Variants in CPA6 observed in about 807,000 individuals in gnomAD.
CPA6 encodes the protein carboxypeptidase A6, also known as carboxypeptidase B.
CPA6 carries 58 observed loss-of-function variants against 63.3 expected under a neutral mutation model. The observed-to-expected ratio is 0.92, with a 90% CI of 0.74 to 1.14. The LOEUF (loss-of-function observed/expected upper bound fraction) is 1.14, where lower values mean the gene tolerates loss of function less well. Ranked by LOEUF, CPA6 falls within the 50% of genes most tolerant of loss-of-function variation. The pLI is 0.00. For missense variants in CPA6, 565 were observed against 526.6 expected (o/e 1.07, Z -0.71); for synonymous variants, 185 against 179.0 (o/e 1.03, Z -0.27).
chr8:67,730,864 A>G (rs1239432561), intron 1 of CPA6, among the ~76,000 whole-genome samples: 1 of 152,242 alleles, frequency 6.6e-6, no homozygotes, highest in African/African-American at 2.4e-5. Context: ...ACTTAAAAAT[A>G]CAATGTGTTT....
intron 8 of CPA6, among the ~76,000 whole-genome samples, chr8:67,475,436 A>G (rs552821964): frequency 5.9e-5 from 9 of 152,382 alleles, no homozygotes; most frequent in Admixed American, 1.3e-4. Context: ...AAAATGATCA[A>G]GAAAACAATG....
At chr8:67,515,506 C>T (rs1453638253) in intron 3 of CPA6, among the ~76,000 whole-genome samples, 1 of 152,196 alleles carries the variant, frequency 6.6e-6, no homozygotes, top group Non-Finnish European at 1.5e-5. Context: ...CACCTGCCTA[C>T]CGTGGGGCAT....
chr8:67,737,709 A>G (rs1237543278), intron 1 of CPA6, among the ~76,000 whole-genome samples: 1 of 152,242 alleles, frequency 6.6e-6, no homozygotes, highest in Non-Finnish European at 1.5e-5. Flanking sequence ...ATTTATAGAC[A>G]TGAAATGAAA....
chr8:67,508,027 G>A (rs181741217), intron 5 of CPA6, among the ~76,000 whole-genome samples: 1 of 61,352 alleles, frequency 1.6e-5, no homozygotes, highest in Non-Finnish European at 3.5e-5. Context: ...GTGTGTGTGT[G>A]TGTGTGTGTG....
At chr8:67,564,736 G>A (rs1391592790) in intron 2 of CPA6, among the ~76,000 whole-genome samples, 1 of 152,186 alleles carries the variant, frequency 6.6e-6, no homozygotes, top group Non-Finnish European at 1.5e-5. Flanking sequence ...CATACATTAA[G>A]TATGATGTCA....
chr8:67,708,106 C>T (rs1278839029), intron 1 of CPA6, among the ~76,000 whole-genome samples: 1 of 152,126 alleles, frequency 6.6e-6, no homozygotes, highest in African/African-American at 2.4e-5. Flanking sequence ...TTACCCAACT[C>T]ATACAGGTTT....
intron 1 of CPA6, among the ~76,000 whole-genome samples, chr8:67,704,500 G>A (rs76319825): frequency 0.025 from 3,796 of 152,348 alleles, 66 homozygotes; most frequent in Middle Eastern, 0.054. Context: ...GGCTGCAGGT[G>A]CAAGAGAATA....
At chr8:67,650,349 C>T (rs945620918) in intron 1 of CPA6, among the ~76,000 whole-genome samples, 15 of 152,170 alleles carry the variant, frequency 9.9e-5, no homozygotes, top group African/African-American at 3.4e-4. Context: ...CAGCGGGGTT[C>T]GATCAGGACT....
At chr8:67,588,353 G>T (rs1334825638) in intron 2 of CPA6, among the ~76,000 whole-genome samples, 1 of 152,176 alleles carries the variant, frequency 6.6e-6, no homozygotes, top group Admixed American at 6.5e-5. Flanking sequence ...TACTACTGCG[G>T]GTAGGCCTAG....
chr8:67,727,395 C>T (rs1288722823), intron 1 of CPA6, among the ~76,000 whole-genome samples: 1 of 152,184 alleles, frequency 6.6e-6, no homozygotes, highest in Non-Finnish European at 1.5e-5. Flanking sequence ...GATGCTGCCT[C>T]AGAATCAAGA....
Position 67,434,128 on chromosome 8 carries a change from A to G in CPA6, c.951T>C (p.Ile317=). ...ANFLRKHRKH[I]RAYLSFHAYA... is the part of the protein sequence containing the mutation. ...ATGCATGAAAGGAGAGATAAGCCCT[A>G]ATGTGCTTTCTGTGTTTTCGAAGGA... The change falls in exon 9 of 11, where the codon ATT becomes ATC. Residue 317 remains isoleucine (I), a synonymous_variant. Coordinates refer to ENST00000297770, the MANE Select transcript of CPA6 (RefSeq NM_020361.5). The G allele has an allele frequency of 6.2e-7, 1 of 1,613,970 alleles. No individual in the cohort carries two copies. The highest frequency in any genetic ancestry group is 8.5e-7 in the Non-Finnish European group (1 of 1,179,906).
At chr8:67,529,900 G>A (rs1387689840) in intron 2 of CPA6, among the ~76,000 whole-genome samples, 1 of 151,968 alleles carries the variant, frequency 6.6e-6, no homozygotes, top group Non-Finnish European at 1.5e-5. Flanking sequence ...ACTATGAATG[G>A]GCAGTCAAGA....
chr8:67,463,381 T>C (rs1810855649), intron 8 of CPA6, among the ~76,000 whole-genome samples: 1 of 151,930 alleles, frequency 6.6e-6, no homozygotes, highest in Non-Finnish European at 1.5e-5. Flanking sequence ...AAGGCAGAGG[T>C]TGCAGTGAGC....
At chr8:67,584,944 C>T (rs1208874661) in intron 2 of CPA6, among the ~76,000 whole-genome samples, 11 of 151,926 alleles carry the variant, frequency 7.2e-5, no homozygotes, top group Non-Finnish European at 1.6e-4. Context: ...ATACCATTAG[C>T]CGATTAGCAA....
intron 2 of CPA6, among the ~76,000 whole-genome samples, chr8:67,534,240 G>C (rs1034639675): frequency 6.6e-6 from 1 of 152,096 alleles, no homozygotes; most frequent in Non-Finnish European, 1.5e-5. Flanking sequence ...TAATGAATAT[G>C]TCATGGATAC....
intron 8 of CPA6, among the ~76,000 whole-genome samples, chr8:67,450,848 C>T (rs1345353106): frequency 6.6e-6 from 1 of 152,176 alleles, no homozygotes; most frequent in Non-Finnish European, 1.5e-5. Flanking sequence ...TGGTGCGGTA[C>T]AGACCCAACA....
chr8:67,712,334 C>T (rs545005092), intron 1 of CPA6, among the ~76,000 whole-genome samples: 11 of 152,120 alleles, frequency 7.2e-5, no homozygotes, highest in South Asian at 2.1e-4. Flanking sequence ...AACTGCTAGC[C>T]GTACTGGGGT....
intron 8 of CPA6, chr8:67,483,506 T>G: frequency 1.9e-6 from 1 of 522,436 alleles, no homozygotes; most frequent in East Asian, 3.3e-5. Context: ...CTCAGTTTGC[T>G]GCTTTTACAT....
chr8:67,678,775 A>G (rs1563389662), intron 1 of CPA6, among the ~76,000 whole-genome samples: 6 of 152,262 alleles, frequency 3.9e-5, no homozygotes, highest in South Asian at 4.1e-4. Flanking sequence ...ATACATTCAT[A>G]TAATTACCAG....
Sources: gnomAD v4.1 joint callset for allele counts (sites outside exome capture counted in the v4.1 genomes callset) on GRCh38, gnomAD v4.1.1 for gene constraint, MANE v1.5 for transcripts, NCBI Gene and HGNC (gene_info 2026-07-23, HGNC 2026-07-21) for gene names.